The following PPP1R16B variants were observed in gnomAD, a reference collection of about 807,000 sequenced individuals.
PPP1R16B encodes the protein protein phosphatase 1 regulatory inhibitor subunit 16B.
Under a neutral mutation model 61.7 loss-of-function variants are expected in PPP1R16B, and 14 were observed. That is an observed-to-expected ratio of 0.23 (90% CI 0.15 to 0.35). The LOEUF (loss-of-function observed/expected upper bound fraction) is 0.35. PPP1R16B is among the 10% of genes least tolerant of loss of function. The probability of loss-of-function intolerance (pLI) is 1.00; values close to 1 mark genes in which losing one functional copy is unlikely to be tolerated. For synonymous variants in PPP1R16B, 266 were observed against 305.3 expected, an observed-to-expected ratio of 0.87 and a Z score of 1.34; for missense variants, 547 against 752.5, an observed-to-expected ratio of 0.73 and a Z score of 3.19.
intron 2 of PPP1R16B, among the ~76,000 whole-genome samples, chr20:38,858,487 T>C (rs2085023715): frequency 6.6e-6 from 1 of 152,184 alleles, no homozygotes; most frequent in African/African-American, 2.4e-5. Context: ...TATCATTTTG[T>C]AGGGGAGAGC....
chr20:38,824,191 A>G (rs2084789922), intron 1 of PPP1R16B, among the ~76,000 whole-genome samples: 2 of 152,230 alleles, frequency 1.3e-5, no homozygotes, highest in South Asian at 4.1e-4. Flanking sequence ...TATGCTGGAC[A>G]CAGAAGCTGC....
chr20:38,838,869 C>A (rs998107130), intron 2 of PPP1R16B, among the ~76,000 whole-genome samples: 5 of 152,206 alleles, frequency 3.3e-5, no homozygotes, highest in African/African-American at 1.2e-4. Context: ...CAGTGCCCCG[C>A]AGCCCTGCCT....
In PPP1R16B at chr20:38,918,543, G is replaced by T. The variant is rs757677700; in HGVS notation, c.1581G>T (p.Pro527=). 1.9e-6 allele frequency: 3 copies of T among 1,576,346 alleles called. No homozygotes were observed. The highest frequency in any genetic ancestry group is 2.3e-5 in the South Asian group (2 of 85,356). ...KAPLIGGRTS[P]YSSNGTSVYY... ...CCTTGATCGGAGGCAGAACTTCACC[G>T]TACAGCAGCAATGGGACCTCGGTAT... The change falls in exon 11 of 11, where the codon CCG becomes CCT. Residue 527 remains proline, a synonymous_variant. Transcript: ENST00000299824. This position sits in a 1 kb window ranked among gnomAD's most constrained non-coding sequence, Gnocchi z 5.3.
At chr20:38,809,034 A>G (rs1036983756) in intron 1 of PPP1R16B, among the ~76,000 whole-genome samples, 5 of 68,774 alleles carry the variant, frequency 7.3e-5, no homozygotes, top group African/African-American at 3.1e-4. Context: ...CTCCATCTCA[A>G]AAAGAAAAAG....
chr20:38,851,275 G>A (rs2084967418), intron 2 of PPP1R16B, among the ~76,000 whole-genome samples: 1 of 151,988 alleles, frequency 6.6e-6, no homozygotes, highest in Admixed American at 6.6e-5. Flanking sequence ...GACCAGCCTG[G>A]CCAACATGGT....
intron 1 of PPP1R16B, among the ~76,000 whole-genome samples, chr20:38,818,030 C>T (rs546685144): frequency 7.9e-5 from 12 of 152,290 alleles, no homozygotes; most frequent in East Asian, 1.9e-4. Context: ...GGCGACAGAG[C>T]GAGACTCCGT....
At chr20:38,878,976 T>G (rs565063614) in intron 2 of PPP1R16B, among the ~76,000 whole-genome samples, 4 of 152,188 alleles carry the variant, frequency 2.6e-5, no homozygotes, top group Admixed American at 2.6e-4. Flanking sequence ...GGAATTGGGA[T>G]AAGAGCAGAT....
intron 2 of PPP1R16B, among the ~76,000 whole-genome samples, chr20:38,864,494 AC>A (rs1225518960): frequency 6.6e-6 from 1 of 151,988 alleles, no homozygotes. Context: ...TCCTTTTATC[AC>A]CCCATTTTTG....
intron 2 of PPP1R16B, among the ~76,000 whole-genome samples, chr20:38,863,656 C>T (rs6071609): frequency 0.061 from 9,280 of 152,192 alleles, 293 homozygotes; most frequent in Non-Finnish European, 0.063. Context: ...ACAGTAACAC[C>T]CACCTCAAGG....
intron 1 of PPP1R16B, among the ~76,000 whole-genome samples, chr20:38,830,489 G>T (rs2084830167): frequency 6.6e-6 from 1 of 152,014 alleles, no homozygotes; most frequent in East Asian, 1.9e-4. Context: ...GTTTAAAAAG[G>T]AAATTTTATA....
chr20:38,853,798 T>C (rs1161551552), intron 2 of PPP1R16B, among the ~76,000 whole-genome samples: 3 of 152,210 alleles, frequency 2.0e-5, no homozygotes, highest in Non-Finnish European at 2.9e-5. Flanking sequence ...TCAGCCAGTG[T>C]CTGGGGCTCA....
chr20:38,860,212 C>T (rs896609679), intron 2 of PPP1R16B, among the ~76,000 whole-genome samples: 2 of 152,136 alleles, frequency 1.3e-5, no homozygotes, highest in African/African-American at 2.4e-5. Flanking sequence ...AGGTGATCCT[C>T]CCGCCTTGGC....
At chr20:38,812,317 C>G (rs2084706302) in intron 1 of PPP1R16B, among the ~76,000 whole-genome samples, 1 of 152,172 alleles carries the variant, frequency 6.6e-6, no homozygotes, top group South Asian at 2.1e-4. Flanking sequence ...TTGGGATTTG[C>G]CAAGCTGGGG....
At position 38,902,803 on chromosome 20, in the gene PPP1R16B, G is replaced by A; in HGVS notation, c.696+11G>A. On this transcript the variant is annotated intron_variant, in intron 6 of 10. Transcript: ENST00000299824. Reference sequence around the variant, plus strand: ...CAGGGTGCCACACTGGTGAGGAGATGGGCCAGTACCAAAACCAAGACCAGC... The same window carrying A: ...CAGGGTGCCACACTGGTGAGGAGATAGGCCAGTACCAAAACCAAGACCAGC... 2 of 1,614,100 alleles carry A rather than the reference G, an allele frequency of 1.2e-6. No individual in the cohort carries two copies. The highest frequency in any genetic ancestry group is 1.7e-6 in the Non-Finnish European group (2 of 1,180,000).
intron 10 of PPP1R16B, among the ~76,000 whole-genome samples, chr20:38,915,709 C>T (rs1031989780): frequency 6.6e-5 from 10 of 152,056 alleles, no homozygotes; most frequent in African/African-American, 2.4e-4. Flanking sequence ...AGGCCGGTCT[C>T]GAACTCCTGA....
At chr20:38,883,803 T>G (rs2085221412) in intron 2 of PPP1R16B, among the ~76,000 whole-genome samples, 1 of 152,190 alleles carries the variant, frequency 6.6e-6, no homozygotes, top group Admixed American at 6.5e-5. Context: ...GTTTTTATTT[T>G]TAAAATAAAT....
At chr20:38,890,416 C>G (rs1447102186) in intron 3 of PPP1R16B, among the ~76,000 whole-genome samples, 1 of 152,250 alleles carries the variant, frequency 6.6e-6, no homozygotes, top group Non-Finnish European at 1.5e-5. Flanking sequence ...GGGCTCCAGC[C>G]ACCCAACTTC....
chr20:38,911,504 T>C (rs1220249449), intron 10 of PPP1R16B, among the ~76,000 whole-genome samples: 5 of 151,920 alleles, frequency 3.3e-5, no homozygotes, highest in Non-Finnish European at 7.4e-5. Flanking sequence ...ATTCGATTGT[T>C]TGAATATTAA....
At chr20:38,875,930 G>A (rs568024863) in intron 2 of PPP1R16B, among the ~76,000 whole-genome samples, 1 of 149,816 alleles carries the variant, frequency 6.7e-6, no homozygotes, top group South Asian at 2.1e-4. Context: ...GGGACCAGGA[G>A]ACTTTTATTG....
Sources: gnomAD v4.1 joint callset for allele counts (sites outside exome capture counted in the v4.1 genomes callset) on GRCh38, gnomAD v4.1.1 for gene constraint, Gnocchi (gnomAD v3.1) non-coding constraint, MANE v1.5 for transcripts, NCBI Gene and HGNC (gene_info 2026-07-23, HGNC 2026-07-21) for gene names.